ESRRB: variants seen among roughly 807,000 people sequenced by gnomAD.
ESRRB encodes steroid hormone receptor ERR2.
In ESRRB, 16 loss-of-function variants were observed where a neutral mutation model predicts 46.0. The observed-to-expected ratio is 0.35, with a 90% CI of 0.24 to 0.53. The LOEUF (loss-of-function observed/expected upper bound fraction) is 0.53. Ranked by LOEUF, ESRRB falls within the 20% of genes least tolerant of loss-of-function variation. ESRRB has a pLI of 0.93. For missense variants in ESRRB, 488 were observed against 607.4 expected (o/e 0.80, Z 2.07); for synonymous variants, 246 against 259.6 (o/e 0.95, Z 0.50).
intron 1 of ESRRB, among the ~76,000 whole-genome samples, chr14:76,337,336 C>G (rs1884139277): frequency 6.6e-6 from 1 of 152,126 alleles, no homozygotes; most frequent in Non-Finnish European, 1.5e-5. Context: ...CTTGGAGCTG[C>G]CGTGGGTGTT....
chr14:76,489,537 G>A (rs1046488302), intron 5 of ESRRB, among the ~76,000 whole-genome samples: 5 of 150,858 alleles, frequency 3.3e-5, no homozygotes, highest in Admixed American at 2.6e-4. Context: ...AAGCTCCCCC[G>A]TGTCAGTCGG....
chr14:76,448,328 C>CTTT lies in ESRRB; in HGVS notation c.460+8593_460+8595dup, dbSNP rs33918963. Among the ~76,000 whole-genome samples, 699 of 133,478 alleles carry CTTT rather than the reference C, an allele frequency of 5.2e-3. 10 individuals carry two copies. The highest frequency in any genetic ancestry group is 0.019 in the African/African-American group (664 of 35,870). The allele number at this position is 133,478 out of a possible 152,430, so 87.6% of individuals were successfully genotyped here. A position where few individuals can be genotyped will look rare whatever the true frequency, so the allele number is the denominator to read the frequency against. ...AAGGCACAGGGTTACATTTACTTAC[C>CTTT]TTTTTTTTTTTTTTTTTGAGACCGA... On this transcript the variant is annotated intron_variant, in intron 2 of 6. Transcript: ENST00000644823.
intron 1 of ESRRB, among the ~76,000 whole-genome samples, chr14:76,438,983 C>T (rs1242329200): frequency 6.7e-6 from 1 of 148,632 alleles, no homozygotes; most frequent in Non-Finnish European, 1.5e-5. Context: ...TTTTTTTTAA[C>T]AGATGGGGTC....
chr14:76,313,936 AGTGGAGCG>A (rs557157453), intron 1 of ESRRB, among the ~76,000 whole-genome samples: 221 of 152,306 alleles, frequency 1.5e-3, no homozygotes, highest in African/African-American at 5.2e-3. Flanking sequence ...AAATTCTAAT[AGTGGAGCG>A]GTGGAGGGCT....
At chr14:76,340,884 TCTGCTCTCTCTGTTATGAA>T (rs1219919893) in intron 1 of ESRRB, among the ~76,000 whole-genome samples, 2 of 152,308 alleles carry the variant, frequency 1.3e-5, no homozygotes, top group South Asian at 4.1e-4. Flanking sequence ...AACTGCAATG[TCTGCTCTCTCTGTTATGAA>T]CTGAGTGAGC....
chr14:76,451,324 T>C (rs935345), intron 2 of ESRRB, among the ~76,000 whole-genome samples: 31,319 of 152,222 alleles, frequency 0.21, 6,267 homozygotes, highest in African/African-American at 0.53. Context: ...AGTGACTTAG[T>C]TTTCCTGAGC....
chr14:76,463,736 C>T (rs1016021476), intron 3 of ESRRB, among the ~76,000 whole-genome samples: 11 of 151,760 alleles, frequency 7.2e-5, no homozygotes, highest in African/African-American at 2.2e-4. Context: ...TGTAAGCCAC[C>T]GCACCCGGCC....
chr14:76,357,602 C>T (rs1386251170), intron 1 of ESRRB, among the ~76,000 whole-genome samples: 1 of 152,220 alleles, frequency 6.6e-6, no homozygotes, highest in African/African-American at 2.4e-5. Flanking sequence ...TAGCCTTGAT[C>T]TCCTGGACTC....
rs1312802797 is a variant in ESRRB, at chr14:76,482,330, A to G, written c.688+204A>G. Reference sequence around the variant, plus strand: ...AGCCACGGGCCCCAATGTCCAGAACATGCTCCCCTTGCCACCCACCCAAAG... The same window carrying G: ...AGCCACGGGCCCCAATGTCCAGAACGTGCTCCCCTTGCCACCCACCCAAAG... On this transcript the variant is annotated intron_variant, in intron 4 of 6. Coordinates refer to ENST00000644823, the MANE Select transcript of ESRRB (RefSeq NM_001379180.1). This position sits in a 1 kb window ranked among gnomAD's most constrained non-coding sequence, Gnocchi z 4.3. 2.0e-5 allele frequency among the ~76,000 whole-genome samples: 3 copies of G among 152,190 alleles called. No individual in the cohort carries two copies. Among genetic ancestry groups the G allele is most frequent in the African/African-American group, 7.2e-5 (3 of 41,448 alleles).
chr14:76,385,146 C>A (rs1014463928), intron 1 of ESRRB, among the ~76,000 whole-genome samples: 1 of 150,678 alleles, frequency 6.6e-6, no homozygotes, highest in Non-Finnish European at 1.5e-5. Flanking sequence ...GGTCCCATAG[C>A]TGTCTGTATT....
intron 2 of ESRRB, among the ~76,000 whole-genome samples, chr14:76,441,512 A>G (rs1387244121): frequency 1.3e-5 from 2 of 152,268 alleles, no homozygotes; most frequent in Middle Eastern, 3.4e-3. Context: ...GAGTCTCACC[A>G]TGTAGCCCAG....
chr14:76,475,944 CAGTTTCCCCT>C (rs1889564241), intron 3 of ESRRB, among the ~76,000 whole-genome samples: 1 of 151,972 alleles, frequency 6.6e-6, no homozygotes, highest in African/African-American at 2.4e-5. Context: ...ATCGCTTACC[CAGTTTCCCCT>C]AATGGTAACA....
chr14:76,489,445 C>CCACACACACACACA (rs56091857), intron 5 of ESRRB, among the ~76,000 whole-genome samples: 18,554 of 129,356 alleles, frequency 0.14, 1,572 homozygotes, highest in Middle Eastern at 0.17. Context: ...ATCTGGACAA[C>CCACACACACACACA]CACACACACA....
intron 1 of ESRRB, among the ~76,000 whole-genome samples, chr14:76,315,146 T>G (rs1242673441): frequency 4.6e-5 from 7 of 152,072 alleles, no homozygotes; most frequent in African/African-American, 1.7e-4. Context: ...GTCTTGTATT[T>G]CTCCTTTCAA....
intron 3 of ESRRB, among the ~76,000 whole-genome samples, chr14:76,477,352 T>G (rs1458965363): frequency 6.6e-6 from 1 of 152,130 alleles, no homozygotes; most frequent in Non-Finnish European, 1.5e-5. Flanking sequence ...ATCAGATGAA[T>G]GTTGAAGTGC....
rs774614492 is a variant in ESRRB at position 76,491,723 on chromosome 14, G to T, written c.1120+7G>T. On this transcript the variant is annotated splice_region_variant and intron_variant, in intron 6 of 6. Coordinates refer to ENST00000644823, the MANE Select transcript of ESRRB (RefSeq NM_001379180.1). The stretch of plus-strand genomic sequence containing the variant: ...CTGGCCCTCGCCAACTCCGGTAAGG[G>T]CGGCGGCGGGGCCTGGAAGGGGAGC... 1.9e-6 allele frequency: 3 copies of T among 1,569,178 alleles called. No individual in the cohort carries two copies. The highest frequency in any genetic ancestry group is 4.6e-5 in the East Asian group (2 of 43,626).
At chr14:76,395,847 T>G in intron 1 of ESRRB, among the ~76,000 whole-genome samples, 1 of 101,782 alleles carries the variant, frequency 9.8e-6, no homozygotes, top group Non-Finnish European at 1.9e-5. Flanking sequence ...GTACTTGGGG[T>G]GGGGGGCGGG....
At chr14:76,453,733 C>T (rs1284799392) in intron 2 of ESRRB, among the ~76,000 whole-genome samples, 1 of 151,848 alleles carries the variant, frequency 6.6e-6, no homozygotes, top group East Asian at 1.9e-4. Context: ...CCTTGAGCCT[C>T]CAAAGTAGCT....
chr14:76,367,949 CTTTTT>C (rs778235037), upstream of ESRRB, among the ~76,000 whole-genome samples: 4,664 of 95,202 alleles, frequency 0.049, 94 homozygotes, highest in East Asian at 0.13. Context: ...TTCCAGTTTG[CTTTTT>C]TTTTTTTTTT....
Sources: allele counts gnomAD v4.1 joint callset (sites outside exome capture counted in the v4.1 genomes callset), GRCh38; gene constraint gnomAD v4.1.1; non-coding constraint Gnocchi (gnomAD v3.1); transcripts MANE v1.5; gene names NCBI Gene and HGNC (gene_info 2026-07-23, HGNC 2026-07-21).